The following BRIP1 variants were observed in gnomAD, a reference collection of about 807,000 sequenced individuals.
BRIP1 encodes Fanconi anemia group J protein.
BRIP1 carries 88 observed loss-of-function variants against 119.7 expected under a neutral mutation model. The observed-to-expected ratio is 0.74, with a 90% confidence interval of 0.62 to 0.88. The LOEUF is 0.88. BRIP1 is among the 40% of genes least tolerant of loss of function. BRIP1 has a pLI of 0.00. For synonymous variants in BRIP1, 443 were observed against 496.5 expected (o/e 0.89, Z 1.43); for missense variants, 1,259 against 1,455.4 (o/e 0.87, Z 2.20).
Position 61,794,031 on chromosome 17 carries a change from G to A in BRIP1, c.1341-302C>T, listed in dbSNP as rs1437189116. ...TAATGTCTCTTCAACTGAGAGCCAG[G>A]TCTTAGGTACTTATCCCAAATATAT... is the stretch of plus-strand genomic sequence containing the variant. On this transcript the variant is annotated intron_variant, in intron 9 of 19. Coordinates refer to ENST00000259008, the MANE Select transcript of BRIP1 (RefSeq NM_032043.3). The surrounding 1 kb of genome is among the most constrained non-coding windows in gnomAD (Gnocchi z 4.3). Among the ~76,000 whole-genome samples, 1 of 152,066 alleles carries A rather than the reference G, an allele frequency of 6.6e-6. No homozygotes were observed. The highest frequency in any genetic ancestry group is 1.5e-5 in the Non-Finnish European group (1 of 68,000).
intron 14 of BRIP1, among the ~76,000 whole-genome samples, chr17:61,771,049 G>T (rs1434724551): frequency 6.6e-6 from 1 of 152,100 alleles, no homozygotes; most frequent in African/African-American, 2.4e-5. Flanking sequence ...TTTAAATTTA[G>T]ACACAAATAG....
At position 61,755,058 on chromosome 17, in the gene BRIP1, A is replaced by G. The variant is rs1265470953; in HGVS notation, c.2098-10467T>C. ...TTTTCTGTCTCTCACCCTGGAATAC[A>G]AAAGGACAATGATTTTTGTCTGTTT... On this transcript the variant is annotated intron_variant, in intron 14 of 19. Coordinates refer to ENST00000259008, the MANE Select transcript of BRIP1 (RefSeq NM_032043.3). This position sits in a 1 kb window ranked among gnomAD's most constrained non-coding sequence, Gnocchi z 4.5. Among the ~76,000 whole-genome samples the G allele has an allele frequency of 6.6e-6, 1 of 152,208 alleles. No individual in the cohort carries two copies. Among genetic ancestry groups the G allele is most frequent in the Non-Finnish European group, 1.5e-5 (1 of 68,036 alleles).
chr17:61,721,397 G>A (rs983427644), intron 16 of BRIP1, among the ~76,000 whole-genome samples: 1 of 150,986 alleles, frequency 6.6e-6, no homozygotes, highest in Non-Finnish European at 1.5e-5. Flanking sequence ...AGCCTCCCGA[G>A]TAGCTGAGAC....
In BRIP1 at chr17:61,699,314, T is replaced by C. The variant is rs572663158; in HGVS notation, c.2493-5802A>G. On this transcript the variant is annotated intron_variant, in intron 17 of 19. Transcript: ENST00000259008. The surrounding 1 kb of genome is among the most constrained non-coding windows in gnomAD (Gnocchi z 4.8). ...TTTACTCAGCTATTTTGTAAAATAC[T>C]CACTTTGCTATTTGCTTTCTATATG... Among the ~76,000 whole-genome samples the C allele has an allele frequency of 6.6e-6, 1 of 152,228 alleles. No homozygotes were observed. Among genetic ancestry groups the C allele is most frequent in the Non-Finnish European group, 1.5e-5 (1 of 68,026 alleles).
rs730881634 is a variant in BRIP1 at position 61,801,316 on chromosome 17, T to C, written c.1077A>G (p.Ile359Met). 3 of 1,613,996 alleles carry C rather than the reference T, an allele frequency of 1.9e-6. No individual in the cohort carries two copies. Among genetic ancestry groups the C allele is most frequent in the East Asian group, 2.2e-5 (1 of 44,892 alleles). The change falls in exon 8 of 20, where the codon ATA becomes ATG. Residue 359 changes from isoleucine (I) to methionine (M), a missense_variant. Around this residue, in one of 3 missense-constraint regions of BRIP1, gnomAD observed 501 missense variants for 544.0 expected, o/e 0.92. Transcript: ENST00000259008. ...ACPYYTARELIQDADIIFCPY... is the reference protein window; with the variant it reads ...ACPYYTARELMQDADIIFCPY... ...GACAAAATATGATGTCAGCATCTTGTATTAGTTCTCGGGCTGTGTAATATG... is the reference window on the plus strand; with the variant it reads ...GACAAAATATGATGTCAGCATCTTGCATTAGTTCTCGGGCTGTGTAATATG...
Position 61,736,203 on chromosome 17 carries a change from C to G in BRIP1, c.2379+6810G>C, listed in dbSNP as rs939881185. 6.6e-6 allele frequency among the ~76,000 whole-genome samples: 1 copy of G among 151,948 alleles called. No homozygotes were observed. Among genetic ancestry groups the G allele is most frequent in the South Asian group, 2.1e-4 (1 of 4,816 alleles). Reference sequence around the variant, plus strand: ...TTTAGCCAGGTGTGGTGGCACATGCCTACAGTCCTAGCTACCCAGGAGACT... The same window carrying G: ...TTTAGCCAGGTGTGGTGGCACATGCGTACAGTCCTAGCTACCCAGGAGACT... On this transcript the variant is annotated intron_variant, in intron 16 of 19. Transcript: ENST00000259008. The surrounding 1 kb of genome is among the most constrained non-coding windows in gnomAD (Gnocchi z 4.4).
In BRIP1 at chr17:61,849,378, A is replaced by G. The variant is rs1015837121; in HGVS notation, c.380-122T>C. ...GAAATTTCATACCATAATCTAAAAC[A>G]TGAAACTTAAACATGTTTAAAAAGT... On this transcript the variant is annotated intron_variant, in intron 4 of 19. Transcript: ENST00000259008. 2.1e-5 allele frequency: 17 copies of G among 803,870 alleles called. No individual in the cohort carries two copies. In the African/African-American group the frequency reaches 2.3e-4, roughly 11 times the overall value. The allele number at this position is 803,870 out of a possible 1,614,324, so 49.8% of individuals were successfully genotyped here. A position where few individuals can be genotyped will look rare whatever the true frequency, so the allele number is the denominator to read the frequency against.
In BRIP1 at chr17:61,699,244, G is replaced by A. The variant is rs1186365973; in HGVS notation, c.2493-5732C>T. Among the ~76,000 whole-genome samples the A allele has an allele frequency of 4.6e-5, 7 of 152,022 alleles. No individual in the cohort carries two copies. The highest frequency in any genetic ancestry group is 1.4e-4 in the African/African-American group (6 of 41,402). On this transcript the variant is annotated intron_variant, in intron 17 of 19. Coordinates refer to ENST00000259008, the MANE Select transcript of BRIP1 (RefSeq NM_032043.3). This position sits in a 1 kb window ranked among gnomAD's most constrained non-coding sequence, Gnocchi z 4.8. ...AGCCAAACTTTGCCTTTAGATTGGAGTATTTAATCCATTTACATTTAATGT... is the reference window on the plus strand; with the variant it reads ...AGCCAAACTTTGCCTTTAGATTGGAATATTTAATCCATTTACATTTAATGT...
chr17:61,708,746 G>T lies in BRIP1; in HGVS notation c.2492+7205C>A, dbSNP rs1186430306. ...CACTGATTGGCAGCTCTGAATGTAT[G>T]GGTAGAGCTTATAGGCTGGGAAGTT... On this transcript the variant is annotated intron_variant, in intron 17 of 19. Transcript: ENST00000259008. The surrounding 1 kb of genome is among the most constrained non-coding windows in gnomAD (Gnocchi z 4.4). Among the ~76,000 whole-genome samples, 1 of 152,148 alleles carries T rather than the reference G, an allele frequency of 6.6e-6. No homozygotes were observed. Among genetic ancestry groups the T allele is most frequent in the Non-Finnish European group, 1.5e-5 (1 of 68,036 alleles).
chr17:61,801,116 C>A, intron 8 of BRIP1, 137 bp downstream of exon 8: 1 of 757,676 alleles, frequency 1.3e-6, no homozygotes. Flanking sequence ...GATATGTTTT[C>A]AGTACTCTAA....
At chr17:61,728,437 C>G (rs1266078487) in intron 16 of BRIP1, among the ~76,000 whole-genome samples, 1 of 152,054 alleles carries the variant, frequency 6.6e-6, no homozygotes, top group Non-Finnish European at 1.5e-5. Context: ...TAAGAGACAT[C>G]TGATTCCAAG....
Position 61,742,959 on chromosome 17 carries a change from T to C in BRIP1, c.2379+54A>G. The C allele has an allele frequency of 6.2e-7, 1 of 1,602,682 alleles. No individual in the cohort carries two copies. Among genetic ancestry groups the C allele is most frequent in the Non-Finnish European group, 8.5e-7 (1 of 1,170,490 alleles). On this transcript the variant is annotated intron_variant, in intron 16 of 19. Coordinates refer to ENST00000259008, the MANE Select transcript of BRIP1 (RefSeq NM_032043.3). The surrounding 1 kb of genome is among the most constrained non-coding windows in gnomAD (Gnocchi z 4.7). ...AATGAGGGATCCCTGCAATTAACTT[T>C]ATACAAAACCAATGACTCCTGTAAT...
At chr17:61,833,286 C>G (rs1439529391) in intron 6 of BRIP1, among the ~76,000 whole-genome samples, 1 of 152,168 alleles carries the variant, frequency 6.6e-6, no homozygotes, top group African/African-American at 2.4e-5. Context: ...TCACCAAGTT[C>G]ACTCAATATG....
chr17:61,683,737 A>C lies in BRIP1; in HGVS notation c.3309T>G (p.Ile1103Met). 6.2e-7 allele frequency: 1 copy of C among 1,614,144 alleles called. No individual in the cohort carries two copies. The highest frequency in any genetic ancestry group is 1.3e-5 in the African/African-American group (1 of 75,030). ...LCSEEALDPD[I>M]ELSLVSEEDK... ...CTTCTTCACTTACTAGAGACAATTC[A>C]ATGTCTGGATCCAGGGCTTCTTCAG... is the stretch of plus-strand genomic sequence containing the variant. The change falls in exon 20 of 20, where the codon ATT (isoleucine) becomes ATG (methionine). Residue 1103 changes from isoleucine (I) to methionine (M), a missense_variant. Physicochemically the swap from Ile to Met is conservative, Grantham distance 10. Coordinates refer to ENST00000259008, the MANE Select transcript of BRIP1 (RefSeq NM_032043.3). The surrounding 1 kb of genome is among the most constrained non-coding windows in gnomAD (Gnocchi z 4.7).
At position 61,687,469 on chromosome 17, in the gene BRIP1, TAAAAC is replaced by T. The variant is rs2061379146; in HGVS notation, c.2576-1309_2576-1305del. ...GCACACTTTACGTGGAAAGGGAAGA[TAAAAC>T]AAATAAAGCAATATTTTCTGCTTTA... is the stretch of plus-strand genomic sequence containing the variant. On this transcript the variant is annotated intron_variant, in intron 18 of 19. Transcript: ENST00000259008. This position sits in a 1 kb window ranked among gnomAD's most constrained non-coding sequence, Gnocchi z 5.1. 6.6e-6 allele frequency among the ~76,000 whole-genome samples: 1 copy of T among 152,102 alleles called. No individual in the cohort carries two copies. The highest frequency in any genetic ancestry group is 1.5e-5 in the Non-Finnish European group (1 of 68,002).
chr17:61,858,884 T>C (rs939005092), intron 3 of BRIP1, among the ~76,000 whole-genome samples: 4 of 152,012 alleles, frequency 2.6e-5, no homozygotes, highest in Admixed American at 2.0e-4. Flanking sequence ...TAAATATTAA[T>C]AGGCATTTGT....
rs1256945872 is a variant in BRIP1 at position 61,825,690 on chromosome 17, C to A, written c.628-16933G>T. Among the ~76,000 whole-genome samples, 1 of 151,248 alleles carries A rather than the reference C, an allele frequency of 6.6e-6. No homozygotes were observed. Among genetic ancestry groups the A allele is most frequent in the African/African-American group, 2.4e-5 (1 of 41,220 alleles). ...ATAAAATAACTGGGAATACAACTAA[C>A]CAGGTAGGTGAAAGATCTCTACAAA... is the stretch of plus-strand genomic sequence containing the variant. On this transcript the variant is annotated intron_variant, in intron 6 of 19. Coordinates refer to ENST00000259008, the MANE Select transcript of BRIP1 (RefSeq NM_032043.3). The surrounding 1 kb of genome is among the most constrained non-coding windows in gnomAD (Gnocchi z 4.1).
intron 14 of BRIP1, among the ~76,000 whole-genome samples, chr17:61,766,693 T>C (rs748312350): frequency 6.6e-5 from 10 of 152,120 alleles, no homozygotes; most frequent in Non-Finnish European, 1.3e-4. Context: ...ATTTTATTCC[T>C]CATCTGACAT....
Position 61,798,781 on chromosome 17 carries a change from A to T in BRIP1, c.1340+319T>A, listed in dbSNP as rs913501285. 1.3e-5 allele frequency among the ~76,000 whole-genome samples: 2 copies of T among 152,104 alleles called. No homozygotes were observed. The highest frequency in any genetic ancestry group is 4.8e-5 in the African/African-American group (2 of 41,440). ...AATTAAAGCCATGATCCAGAATTTT[A>T]AAATATATTAATTAAAAGCACGTTT... On this transcript the variant is annotated intron_variant, in intron 9 of 19. Transcript: ENST00000259008. This position sits in a 1 kb window ranked among gnomAD's most constrained non-coding sequence, Gnocchi z 5.5.
Sources: allele counts gnomAD v4.1 joint callset (sites outside exome capture counted in the v4.1 genomes callset), GRCh38; gene constraint gnomAD v4.1.1; regional missense constraint gnomAD v4.1.1; non-coding constraint Gnocchi (gnomAD v3.1); transcripts MANE v1.5; gene names NCBI Gene and HGNC (gene_info 2026-07-23, HGNC 2026-07-21).